The following GRM8 variants were observed in gnomAD, a reference collection of about 807,000 sequenced individuals.
GRM8 encodes glutamate metabotropic receptor 8.
GRM8 carries 47 observed loss-of-function variants against 87.2 expected under a neutral mutation model. That is an observed-to-expected ratio of 0.54 (90% confidence interval 0.43 to 0.69). The LOEUF is 0.69. Among genes scored for constraint, GRM8 ranks in the 30% least tolerant of loss-of-function variants. The pLI, the probability that GRM8 is intolerant of heterozygous loss-of-function variation, is 0.00. For synonymous variants in GRM8, 396 were observed against 404.5 expected, an observed-to-expected ratio of 0.98 and a Z score of 0.25; for missense variants, 1,019 against 1,139.2, an observed-to-expected ratio of 0.89 and a Z score of 1.52.
intron 7 of GRM8, among the ~76,000 whole-genome samples, chr7:126,705,496 G>A (rs1386120409): frequency 6.6e-6 from 1 of 152,096 alleles, no homozygotes; most frequent in Non-Finnish European, 1.5e-5. Flanking sequence ...ATTACAGAGA[G>A]AATATACATA....
chr7:126,837,939 C>T (rs1056851746), intron 6 of GRM8, among the ~76,000 whole-genome samples: 20 of 152,228 alleles, frequency 1.3e-4, no homozygotes, highest in African/African-American at 4.6e-4. Flanking sequence ...AAATCAAAGA[C>T]GTGTAGTGCT....
chr7:126,987,565 A>C (rs1812222656), intron 3 of GRM8, among the ~76,000 whole-genome samples: 1 of 151,908 alleles, frequency 6.6e-6, no homozygotes, highest in South Asian at 2.1e-4. Context: ...GGTTCACGCC[A>C]TTCTCCTGCC....
intron 3 of GRM8, among the ~76,000 whole-genome samples, chr7:127,031,899 AT>A (rs1817410981): frequency 6.6e-6 from 1 of 152,066 alleles, no homozygotes; most frequent in African/African-American, 2.4e-5. Context: ...GAAGTTCTAC[AT>A]CTGTGTCTGG....
At chr7:126,765,398 T>C (rs1023682220) in intron 7 of GRM8, among the ~76,000 whole-genome samples, 2 of 152,112 alleles carry the variant, frequency 1.3e-5, no homozygotes, top group African/African-American at 4.8e-5. Context: ...AAGTTTTAGT[T>C]GGTTTCTCAA....
intron 3 of GRM8, among the ~76,000 whole-genome samples, chr7:127,103,728 G>C (rs1441649183): frequency 6.6e-6 from 1 of 152,156 alleles, no homozygotes; most frequent in African/African-American, 2.4e-5. Flanking sequence ...CAGAAAAACT[G>C]TGCTATTTGC....
chr7:127,068,788 T>A (rs977803377), intron 3 of GRM8, among the ~76,000 whole-genome samples: 2 of 152,150 alleles, frequency 1.3e-5, no homozygotes, highest in South Asian at 4.1e-4. Flanking sequence ...GAATAAAATA[T>A]CCATATTTAC....
At chr7:126,785,629 C>T (rs1820543930) in intron 6 of GRM8, among the ~76,000 whole-genome samples, 1 of 152,016 alleles carries the variant, frequency 6.6e-6, no homozygotes, top group African/African-American at 2.4e-5. Context: ...TCTTTCGCTT[C>T]TTTATCCTTT....
intron 7 of GRM8, among the ~76,000 whole-genome samples, chr7:126,652,272 T>C (rs1386891240): frequency 6.6e-6 from 1 of 152,230 alleles, no homozygotes; most frequent in Non-Finnish European, 1.5e-5. Context: ...AGCTGCATTA[T>C]GTTACGTGTA....
At chr7:126,664,694 A>G (rs890889296) in intron 7 of GRM8, among the ~76,000 whole-genome samples, 5 of 152,226 alleles carry the variant, frequency 3.3e-5, no homozygotes, top group African/African-American at 9.6e-5. Flanking sequence ...AGGAAATACA[A>G]TTCTGGTCAT....
chr7:126,658,687 G>A (rs1421773819), intron 7 of GRM8, among the ~76,000 whole-genome samples: 1 of 151,732 alleles, frequency 6.6e-6, no homozygotes, highest in East Asian at 1.9e-4. Flanking sequence ...AACCAGGGAT[G>A]ATGTATGTGC....
intron 3 of GRM8, among the ~76,000 whole-genome samples, chr7:127,052,632 A>G (rs974396683): frequency 6.6e-6 from 1 of 152,260 alleles, no homozygotes; most frequent in Admixed American, 6.5e-5. Context: ...TAAGTGAAAG[A>G]GAATTTCAAA....
intron 6 of GRM8, among the ~76,000 whole-genome samples, chr7:126,887,270 T>C (rs1310407354): frequency 6.6e-6 from 1 of 152,116 alleles, no homozygotes; most frequent in African/African-American, 2.4e-5. Flanking sequence ...GGTTTACAAA[T>C]GCAGGCAGTA....
intron 2 of GRM8, among the ~76,000 whole-genome samples, chr7:127,164,082 C>T (rs1409302504): frequency 6.6e-6 from 1 of 152,094 alleles, no homozygotes; most frequent in African/African-American, 2.4e-5. Flanking sequence ...TTGGCACTGT[C>T]CTCAGGATAG....
At chr7:127,119,159 T>C (rs1437573306) in intron 2 of GRM8, among the ~76,000 whole-genome samples, 3 of 151,902 alleles carry the variant, frequency 2.0e-5, no homozygotes, top group Non-Finnish European at 2.9e-5. Flanking sequence ...AGAGAGCACA[T>C]CTAAATACAA....
chr7:127,016,947 T>A (rs1815737685), intron 3 of GRM8, among the ~76,000 whole-genome samples: 1 of 152,086 alleles, frequency 6.6e-6, no homozygotes, highest in African/African-American at 2.4e-5. Flanking sequence ...TATATTCAGA[T>A]AATTCACTAT....
chr7:126,998,424 T>G (rs1055128390), intron 3 of GRM8, among the ~76,000 whole-genome samples: 1 of 151,648 alleles, frequency 6.6e-6, no homozygotes, highest in Admixed American at 6.6e-5. Context: ...AGAGCTGTTT[T>G]CTGTTTGAAA....
chr7:126,763,156 T>C (rs548030432), intron 7 of GRM8, among the ~76,000 whole-genome samples: 1 of 150,976 alleles, frequency 6.6e-6, no homozygotes, highest in South Asian at 2.1e-4. Flanking sequence ...ATGTTCATGA[T>C]AATTTGTAAT....
chr7:126,820,694 CT>C (rs1794215667), intron 6 of GRM8, among the ~76,000 whole-genome samples: 1 of 152,334 alleles, frequency 6.6e-6, no homozygotes, highest in South Asian at 2.1e-4. Flanking sequence ...AGTTCTTTCT[CT>C]CTCTCTCTGT....
chr7:126,762,087 T>G (rs1167112597), intron 7 of GRM8, among the ~76,000 whole-genome samples: 2 of 152,188 alleles, frequency 1.3e-5, no homozygotes, highest in Non-Finnish European at 2.9e-5. Flanking sequence ...TCTTAATCTG[T>G]GTATTCTCAA....
Sources: gnomAD v4.1 joint callset for allele counts (sites outside exome capture counted in the v4.1 genomes callset) on GRCh38, gnomAD v4.1.1 for gene constraint, MANE v1.5 for transcripts, NCBI Gene and HGNC (gene_info 2026-07-23, HGNC 2026-07-21) for gene names.